ST18: variants seen among roughly 807,000 people sequenced by gnomAD.
ST18 encodes suppression of tumorigenicity 18 protein.
In ST18, 50 loss-of-function variants were observed where a neutral mutation model predicts 110.0. The ratio of observed to expected loss-of-function variants is 0.45; its 90% CI spans 0.36 to 0.58. The LOEUF (loss-of-function observed/expected upper bound fraction) is 0.58. ST18 is among the 20% of genes least tolerant of loss of function. The pLI is 0.00. For synonymous variants in ST18, 461 were observed against 452.4 expected, an observed-to-expected ratio of 1.02 and a Z score of -0.24; for missense variants, 1,306 against 1,280.1, an observed-to-expected ratio of 1.02 and a Z score of -0.31.
rs766296777 is a variant in ST18, at chr8:52,116,389, C to T, written c.2889G>A (p.Thr963=). 5.0e-6 allele frequency: 8 copies of T among 1,613,848 alleles called. No individual in the cohort carries two copies. Among genetic ancestry groups the T allele is most frequent in the East Asian group, 4.5e-5 (2 of 44,860 alleles). ...CTATGAGTTTGTTCTCCTCCTCTATCGTCTTTAAGTTGCTCTCCATAGATG... is the reference window on the plus strand; with the variant it reads ...CTATGAGTTTGTTCTCCTCCTCTATTGTCTTTAAGTTGCTCTCCATAGATG... The part of the protein sequence containing the change: ...QITSMESNLK[T]IEEENKLIEQ... The change falls in exon 25 of 26, where the codon ACG becomes ACA. Residue 963 remains threonine (T), a synonymous_variant. Coordinates refer to ENST00000689386, the MANE Select transcript of ST18 (RefSeq NM_001352837.2).
intron 2 of ST18, among the ~76,000 whole-genome samples, chr8:52,342,234 T>G (rs1298637486): frequency 6.6e-6 from 1 of 152,090 alleles, no homozygotes; most frequent in African/African-American, 2.4e-5. Flanking sequence ...ACTTGTCAAT[T>G]TAAAAAATAC....
At chr8:52,161,297 C>G (rs1252374554) in intron 14 of ST18, 78 bp downstream of exon 14, 5 of 1,442,622 alleles carry the variant, frequency 3.5e-6, no homozygotes, top group Non-Finnish European at 4.7e-6. Flanking sequence ...TTAAGTACAG[C>G]CCCCTGGCCC....
At chr8:52,158,757 G>T in intron 15 of ST18, 141 bp downstream of exon 15, 1 of 941,720 alleles carries the variant, frequency 1.1e-6, no homozygotes, top group Non-Finnish European at 1.6e-6. Flanking sequence ...GCGTTCCTCT[G>T]AGCCTCTTCC....
intron 2 of ST18, among the ~76,000 whole-genome samples, chr8:52,360,771 T>C (rs1391410350): frequency 1.3e-5 from 2 of 152,190 alleles, no homozygotes; most frequent in Non-Finnish European, 2.9e-5. Flanking sequence ...AACAATGTAA[T>C]TGTTGGGGAG....
intron 6 of ST18, among the ~76,000 whole-genome samples, chr8:52,215,517 A>C (rs1266533523): frequency 6.6e-6 from 1 of 152,202 alleles, no homozygotes; most frequent in Non-Finnish European, 1.5e-5. Flanking sequence ...AAACTATTAA[A>C]ACCACCAGAA....
At chr8:52,305,905 TAA>T in intron 2 of ST18, among the ~76,000 whole-genome samples, 1 of 152,332 alleles carries the variant, frequency 6.6e-6, no homozygotes, top group South Asian at 2.1e-4. Flanking sequence ...ATGCTCTTTT[TAA>T]AGTGTTTGTC....
intron 19 of ST18, among the ~76,000 whole-genome samples, chr8:52,135,568 CAAAAAAAA>C (rs71252929): frequency 1.8e-5 from 1 of 56,166 alleles, no homozygotes; most frequent in Non-Finnish European, 3.7e-5. Context: ...AACTCCATCT[CAAAAAAAA>C]AAAAAAAAAA....
intron 2 of ST18, among the ~76,000 whole-genome samples, chr8:52,266,123 T>C (rs2094859035): frequency 6.6e-6 from 1 of 152,224 alleles, no homozygotes; most frequent in Non-Finnish European, 1.5e-5. Flanking sequence ...TCAGATACTA[T>C]TTAAACTATG....
chr8:52,348,597 A>T (rs1296284831), intron 2 of ST18, among the ~76,000 whole-genome samples: 1 of 152,086 alleles, frequency 6.6e-6, no homozygotes, highest in African/African-American at 2.4e-5. Context: ...ATACAAAATT[A>T]TCTAGGCATG....
chr8:52,365,590 A>G (rs1035344946), intron 2 of ST18, among the ~76,000 whole-genome samples: 6 of 152,202 alleles, frequency 3.9e-5, no homozygotes, highest in African/African-American at 1.4e-4. Context: ...GTTTAAAAAA[A>G]AAAACTTACG....
At chr8:52,255,521 G>GT (rs796078092) in intron 2 of ST18, among the ~76,000 whole-genome samples, 8 of 152,244 alleles carry the variant, frequency 5.3e-5, no homozygotes, top group African/African-American at 1.9e-4. Flanking sequence ...CCTGAAAACT[G>GT]TTTTGAAAAC....
At chr8:52,196,756 A>G (rs970375368) in intron 8 of ST18, among the ~76,000 whole-genome samples, 7 of 152,194 alleles carry the variant, frequency 4.6e-5, no homozygotes, top group African/African-American at 1.7e-4. Flanking sequence ...GTTTGGTACT[A>G]GCTGAGGTTT....
At chr8:52,312,590 T>C (rs190149559) in intron 2 of ST18, among the ~76,000 whole-genome samples, 1 of 152,314 alleles carries the variant, frequency 6.6e-6, no homozygotes, top group East Asian at 1.9e-4. Context: ...TATAGTATCT[T>C]TGCTAGAGCA....
chr8:52,142,479 T>C (rs1199838316), intron 17 of ST18, among the ~76,000 whole-genome samples: 1 of 152,162 alleles, frequency 6.6e-6, no homozygotes, highest in East Asian at 1.9e-4. Flanking sequence ...TTCCTGCATT[T>C]GATTCACTCA....
At chr8:52,310,024 T>C (rs1287801813) in intron 2 of ST18, among the ~76,000 whole-genome samples, 1 of 152,234 alleles carries the variant, frequency 6.6e-6, no homozygotes, top group Non-Finnish European at 1.5e-5. Context: ...GCATCCTGAA[T>C]TCAGAGGCCA....
At chr8:52,151,374 G>A (rs1048099904) in intron 15 of ST18, among the ~76,000 whole-genome samples, 5 of 152,108 alleles carry the variant, frequency 3.3e-5, no homozygotes, top group East Asian at 3.9e-4. Flanking sequence ...AGGTAAATAC[G>A]CTTCTAATAT....
intron 8 of ST18, among the ~76,000 whole-genome samples, chr8:52,202,223 A>G (rs2078226726): frequency 6.6e-6 from 1 of 152,252 alleles, no homozygotes; most frequent in East Asian, 1.9e-4. Flanking sequence ...TAGAGAATCA[A>G]CATGTTAAAT....
intron 2 of ST18, among the ~76,000 whole-genome samples, chr8:52,376,807 G>C (rs1230864182): frequency 1.3e-5 from 2 of 152,142 alleles, no homozygotes; most frequent in East Asian, 3.9e-4. Context: ...TGAATCTGAG[G>C]TTACATGATC....
chr8:52,188,980 G>T (rs1337040844), intron 8 of ST18, among the ~76,000 whole-genome samples: 7 of 152,160 alleles, frequency 4.6e-5, no homozygotes, highest in African/African-American at 1.7e-4. Context: ...AATGCCTACT[G>T]CATATGGTGA....
Sources: gnomAD v4.1 joint callset for allele counts (sites outside exome capture counted in the v4.1 genomes callset) on GRCh38, gnomAD v4.1.1 for gene constraint, MANE v1.5 for transcripts, NCBI Gene and HGNC (gene_info 2026-07-23, HGNC 2026-07-21) for gene names.